Variants in RALGAPA2 observed in about 807,000 individuals in gnomAD.
RALGAPA2 encodes Ral GTPase activating protein catalytic subunit alpha 2, also known as ral GTPase-activating protein subunit alpha-2.
In RALGAPA2, 139 loss-of-function variants were observed where a neutral mutation model predicts 230.4. The ratio of observed to expected loss-of-function variants is 0.60; its 90% confidence interval spans 0.53 to 0.69. RALGAPA2 has a LOEUF of 0.69. Ranked by LOEUF, RALGAPA2 falls within the 30% of genes least tolerant of loss-of-function variation. The pLI is 0.00. For synonymous variants in RALGAPA2, 847 were observed against 837.8 expected (o/e 1.01, Z -0.19); for missense variants, 2,163 against 2,276.0 (o/e 0.95, Z 1.01).
rs1476352798 is a variant in RALGAPA2 at position 20,524,835 on chromosome 20, T to C, written c.3757A>G (p.Lys1253Glu). The C allele has an allele frequency of 1.8e-5, 29 of 1,600,710 alleles. No homozygotes were observed. The highest frequency in any genetic ancestry group is 2.4e-5 in the Non-Finnish European group (28 of 1,175,464). The change falls in exon 29 of 40, where the codon AAG becomes GAG. Residue 1253 changes from lysine to glutamate, a missense_variant. Coordinates refer to ENST00000202677, the MANE Select transcript of RALGAPA2 (RefSeq NM_020343.4). ...SAEYSSVETD[K>E]KFIVSLLLCL... is the part of the protein sequence containing the mutation. ...TTAGTTAATGTGCCACCTACCTTCT[T>C]GTCTGTTTCCACTGAGGAGTACTCT... is the stretch of plus-strand genomic sequence containing the variant.
chr20:20,639,711 G>A, intron 7 of RALGAPA2, 74 bp downstream of exon 7: 1 of 1,025,760 alleles, frequency 9.7e-7, no homozygotes, highest in East Asian at 2.4e-5. Flanking sequence ...GATACACAGA[G>A]GGAAAAGAGG....
intron 13 of RALGAPA2, among the ~76,000 whole-genome samples, chr20:20,615,592 T>C (rs913504996): frequency 6.6e-6 from 1 of 152,224 alleles, no homozygotes; most frequent in African/African-American, 2.4e-5. Context: ...CAGGAACAGA[T>C]TGTTGACTGC....
At chr20:20,485,657 C>A (rs950479780) in intron 36 of RALGAPA2, among the ~76,000 whole-genome samples, 2 of 152,086 alleles carry the variant, frequency 1.3e-5, no homozygotes, top group African/African-American at 4.8e-5. Context: ...ATAACTAACC[C>A]AAATCCACTT....
intron 38 of RALGAPA2, among the ~76,000 whole-genome samples, chr20:20,405,206 C>T (rs1404317864): frequency 2.0e-5 from 3 of 152,222 alleles, no homozygotes; most frequent in South Asian, 4.1e-4. Context: ...AAATCTCAAC[C>T]CAACTGGCCT....
At chr20:20,502,114 G>A (rs974462834) in intron 35 of RALGAPA2, among the ~76,000 whole-genome samples, 3 of 152,210 alleles carry the variant, frequency 2.0e-5, no homozygotes, top group African/African-American at 7.2e-5. Context: ...AGCATCTGCT[G>A]TTAGAAAAAT....
intron 31 of RALGAPA2, among the ~76,000 whole-genome samples, chr20:20,518,766 T>C (rs2145423037): frequency 6.6e-6 from 1 of 152,336 alleles, no homozygotes; most frequent in South Asian, 2.1e-4. Flanking sequence ...CAACTCATAA[T>C]AAATGGTGAA....
At chr20:20,465,149 T>TCTCACACACACACACA (rs1556066770) in intron 37 of RALGAPA2, among the ~76,000 whole-genome samples, 7 of 109,210 alleles carry the variant, frequency 6.4e-5, no homozygotes, top group South Asian at 3.6e-4. Flanking sequence ...CCGCAGGCCT[T>TCTCACACACACACACA]CACACACACA....
chr20:20,472,762 T>C (rs772411535), intron 37 of RALGAPA2, 67 bp downstream of exon 37: 38 of 1,538,134 alleles, frequency 2.5e-5, no homozygotes, highest in African/African-American at 5.5e-5. Flanking sequence ...TTACCTCTTA[T>C]GAAAAACTGC....
chr20:20,628,261 C>T (rs1368220777), intron 10 of RALGAPA2, among the ~76,000 whole-genome samples: 1 of 152,184 alleles, frequency 6.6e-6, no homozygotes, highest in Non-Finnish European at 1.5e-5. Flanking sequence ...ACTTGCCTCA[C>T]CATAAGAAGT....
At chr20:20,535,922 T>A in intron 25 of RALGAPA2, 119 bp from the exon 26 acceptor site, 1 of 1,408,454 alleles carries the variant, frequency 7.1e-7, no homozygotes, top group Non-Finnish European at 9.3e-7. Flanking sequence ...CTCAGAGAGC[T>A]CATCTATGAG....
At chr20:20,660,644 A>G (rs2067744620) in intron 3 of RALGAPA2, among the ~76,000 whole-genome samples, 1 of 152,222 alleles carries the variant, frequency 6.6e-6, no homozygotes, top group Non-Finnish European at 1.5e-5. Context: ...TAAAGTGAAA[A>G]GTAAAGCTTG....
intron 24 of RALGAPA2, among the ~76,000 whole-genome samples, chr20:20,537,606 T>TGA (rs2063530136): frequency 8.2e-6 from 1 of 121,722 alleles, no homozygotes; most frequent in African/African-American, 3.3e-5. Flanking sequence ...GGCAACAGAG[T>TGA]GAGACTCCAT....
rs539866650 is a variant in RALGAPA2, at chr20:20,573,028, G to A, written c.2748C>T (p.Ala916=). The A allele has an allele frequency of 3.5e-5, 56 of 1,609,978 alleles. No individual in the cohort carries two copies. The Middle Eastern group carries it at 6.6e-4, about 19-fold the overall frequency. ...GGTGCCAACCAGTGAGGCTCCCCCC[G>A]GCGATTATACTACAGTCATCTGTGA... is the stretch of plus-strand genomic sequence containing the variant. ...ECLTDDCSII[A]GGSLTGWHPD... is the part of the protein sequence containing the mutation. Residue 916 remains alanine, a synonymous_variant, in exon 21 of 40, where the codon GCC becomes GCT. Transcript: ENST00000202677.
intron 11 of RALGAPA2, 82 bp downstream of exon 11, chr20:20,620,381 A>T: frequency 7.0e-7 from 1 of 1,425,906 alleles, no homozygotes; most frequent in East Asian, 2.3e-5. Context: ...CCTTTGTCCC[A>T]TTGACAAGAC....
chr20:20,657,653 T>C (rs1418924443), intron 3 of RALGAPA2, among the ~76,000 whole-genome samples: 2 of 152,194 alleles, frequency 1.3e-5, no homozygotes, highest in African/African-American at 2.4e-5. Flanking sequence ...CTGTGCTTCC[T>C]TCCATGCAGT....
At chr20:20,513,662 A>AATGATGT (rs546571629) in intron 31 of RALGAPA2, among the ~76,000 whole-genome samples, 114 of 152,266 alleles carry the variant, frequency 7.5e-4, no homozygotes, top group Middle Eastern at 3.4e-3. Flanking sequence ...CAAGGCAGAG[A>AATGATGT]ATGATGTTTC....
At chr20:20,402,086 G>C (rs2059854069) in intron 38 of RALGAPA2, among the ~76,000 whole-genome samples, 1 of 152,200 alleles carries the variant, frequency 6.6e-6, no homozygotes, top group Non-Finnish European at 1.5e-5. Context: ...GGGCTGTAGG[G>C]TGGAGCAATG....
chr20:20,453,090 T>C (rs1429741708), intron 37 of RALGAPA2, among the ~76,000 whole-genome samples: 2 of 152,244 alleles, frequency 1.3e-5, no homozygotes, highest in Non-Finnish European at 2.9e-5. Flanking sequence ...TGTTAAGACA[T>C]TGCATTGCGT....
intron 1 of RALGAPA2, among the ~76,000 whole-genome samples, chr20:20,683,998 A>G (rs1362945425): frequency 6.6e-6 from 1 of 152,208 alleles, no homozygotes; most frequent in Non-Finnish European, 1.5e-5. Flanking sequence ...CGCCACCTGT[A>G]TATAAACTGT....
Sources: allele counts gnomAD v4.1 joint callset (sites outside exome capture counted in the v4.1 genomes callset), GRCh38; gene constraint gnomAD v4.1.1; transcripts MANE v1.5; gene names NCBI Gene and HGNC (gene_info 2026-07-23, HGNC 2026-07-21).